The following SHOC2 variants were observed in gnomAD, a reference collection of about 807,000 sequenced individuals.
SHOC2 encodes the protein SHOC2 leucine rich repeat scaffold protein, also known as leucine-rich repeat protein SHOC-2.
Under a neutral mutation model 50.2 loss-of-function variants are expected in SHOC2, and 4 were observed. That is an observed-to-expected ratio of 0.08 (90% confidence interval 0.04 to 0.18). The LOEUF (loss-of-function observed/expected upper bound fraction) is 0.18. Among genes scored for constraint, SHOC2 ranks in the 10% least tolerant of loss-of-function variants. The probability of loss-of-function intolerance (pLI) is 1.00; values close to 1 mark genes in which losing one functional copy is unlikely to be tolerated. For missense variants in SHOC2, 388 were observed against 669.6 expected, an observed-to-expected ratio of 0.58 and a Z score of 4.64; for synonymous variants, 218 against 244.5, an observed-to-expected ratio of 0.89 and a Z score of 1.01.
At position 111,007,517 on chromosome 10, in the gene SHOC2, T is replaced by C; in HGVS notation, c.1162-14T>C. 2 of 1,613,488 alleles carry C rather than the reference T, an allele frequency of 1.2e-6. No individual in the cohort carries two copies. The highest frequency in any genetic ancestry group is 1.7e-6 in the Non-Finnish European group (2 of 1,179,552). ...TGTGATTCTACCTTGGATGCTTCTTTTTGTCTTTGCCAGGACAATCAGTTA... is the reference window on the plus strand; with the variant it reads ...TGTGATTCTACCTTGGATGCTTCTTCTTGTCTTTGCCAGGACAATCAGTTA... On this transcript the variant is annotated splice_polypyrimidine_tract_variant and intron_variant, in intron 5 of 8. Coordinates refer to ENST00000369452, the MANE Select transcript of SHOC2 (RefSeq NM_007373.4).
chr10:110,919,572 G>T, upstream of SHOC2: 1 of 392,194 alleles, frequency 2.5e-6, no homozygotes. Flanking sequence ...GGGGGGCGGC[G>T]GTTGGGCAGC....
At chr10:111,007,143 G>A (rs1253924958) in intron 5 of SHOC2, among the ~76,000 whole-genome samples, 1 of 151,976 alleles carries the variant, frequency 6.6e-6, no homozygotes, top group Non-Finnish European at 1.5e-5. Context: ...CATTAGATGC[G>A]TCTTCTTCTA....
intron 1 of SHOC2, among the ~76,000 whole-genome samples, chr10:110,928,845 A>G (rs921488858): frequency 1.3e-5 from 2 of 152,140 alleles, no homozygotes; most frequent in Admixed American, 1.3e-4. Context: ...CAGTGAGCCT[A>G]GATCTTGCCA....
intron 1 of SHOC2, among the ~76,000 whole-genome samples, chr10:110,939,015 T>G (rs1376142938): frequency 6.6e-6 from 1 of 152,182 alleles, no homozygotes; most frequent in Non-Finnish European, 1.5e-5. Flanking sequence ...TCCTATGTAT[T>G]AAACATCAAA....
chr10:110,980,515 C>T (rs1222640845), intron 2 of SHOC2, among the ~76,000 whole-genome samples: 1 of 152,146 alleles, frequency 6.6e-6, no homozygotes, highest in Non-Finnish European at 1.5e-5. Flanking sequence ...CACACTATTT[C>T]TCGTGGGCTA....
At chr10:110,940,498 A>G (rs181980372) in intron 1 of SHOC2, among the ~76,000 whole-genome samples, 2 of 152,346 alleles carry the variant, frequency 1.3e-5, no homozygotes, top group African/African-American at 4.8e-5. Context: ...CTAAATGTTC[A>G]AAGTATAATG....
At chr10:110,983,117 A>G (rs1848013630) in intron 2 of SHOC2, among the ~76,000 whole-genome samples, 1 of 152,132 alleles carries the variant, frequency 6.6e-6, no homozygotes, top group African/African-American at 2.4e-5. Context: ...GATTTTAATT[A>G]CAAAGATTTT....
intron 1 of SHOC2, among the ~76,000 whole-genome samples, chr10:110,944,481 A>ATGGT (rs1847211275): frequency 6.6e-6 from 1 of 150,390 alleles, no homozygotes; most frequent in Admixed American, 6.6e-5. Flanking sequence ...CTTCCTGTGT[A>ATGGT]TGGTTCATAT....
intron 1 of SHOC2, among the ~76,000 whole-genome samples, chr10:110,927,528 T>C (rs1281852182): frequency 1.3e-5 from 2 of 152,192 alleles, no homozygotes; most frequent in African/African-American, 4.8e-5. Context: ...ACTTTGGAAG[T>C]AGTGATTTGA....
chr10:110,943,059 G>A (rs1311590550), intron 1 of SHOC2, among the ~76,000 whole-genome samples: 3 of 152,242 alleles, frequency 2.0e-5, no homozygotes, highest in Middle Eastern at 3.4e-3. Context: ...CTGCCTTCAT[G>A]TGGATTCTCT....
intron 2 of SHOC2, among the ~76,000 whole-genome samples, chr10:110,983,447 T>G (rs1848020614): frequency 6.6e-6 from 1 of 152,180 alleles, no homozygotes; most frequent in Admixed American, 6.6e-5. Flanking sequence ...AAGGTAAAAA[T>G]TTAGTGCTAT....
chr10:110,958,825 C>T (rs1394971971), intron 1 of SHOC2, among the ~76,000 whole-genome samples: 1 of 152,008 alleles, frequency 6.6e-6, no homozygotes, highest in African/African-American at 2.4e-5. Flanking sequence ...CTTCTCCCTA[C>T]TCCTGTTCAT....
At chr10:110,979,633 G>A (rs1304621742) in intron 2 of SHOC2, among the ~76,000 whole-genome samples, 1 of 152,188 alleles carries the variant, frequency 6.6e-6, no homozygotes, top group Non-Finnish European at 1.5e-5. Flanking sequence ...CCAGAGCTCA[G>A]TGTTTGCAGA....
At chr10:110,922,708 C>G (rs1397774716) in intron 1 of SHOC2, among the ~76,000 whole-genome samples, 1 of 152,000 alleles carries the variant, frequency 6.6e-6, no homozygotes, top group Non-Finnish European at 1.5e-5. Flanking sequence ...AACAAGTTAA[C>G]TCACAAATCC....
At chr10:110,998,101 G>A (rs1014001729) in intron 3 of SHOC2, among the ~76,000 whole-genome samples, 3 of 151,514 alleles carry the variant, frequency 2.0e-5, no homozygotes, top group African/African-American at 7.3e-5. Context: ...CTGGGTTCAA[G>A]CCATTCTCCT....
chr10:110,959,130 G>A (rs1189581139), intron 1 of SHOC2, among the ~76,000 whole-genome samples: 1 of 152,158 alleles, frequency 6.6e-6, no homozygotes, highest in Non-Finnish European at 1.5e-5. Flanking sequence ...CAGTATTTAA[G>A]TGTTCAGGCA....
At chr10:110,930,566 T>C (rs1291808485) in intron 1 of SHOC2, among the ~76,000 whole-genome samples, 2 of 152,150 alleles carry the variant, frequency 1.3e-5, no homozygotes, top group Non-Finnish European at 2.9e-5. Flanking sequence ...GTAGCAGTTA[T>C]ATTTTCTCTT....
intron 1 of SHOC2, among the ~76,000 whole-genome samples, chr10:110,925,358 G>C (rs901035216): frequency 6.6e-6 from 1 of 152,126 alleles, no homozygotes; most frequent in Non-Finnish European, 1.5e-5. Context: ...AAAGTTCTCT[G>C]AACTTGAGAA....
Position 110,964,784 on chromosome 10 carries a change from G to T in SHOC2, c.426G>T (p.Val142=). 6.2e-7 allele frequency: 1 copy of T among 1,614,076 alleles called. No individual in the cohort carries two copies. Among genetic ancestry groups the T allele is most frequent in the Non-Finnish European group, 8.5e-7 (1 of 1,179,974 alleles). The change falls in exon 2 of 9, where the codon GTG becomes GTT. Residue 142 remains valine (V), a synonymous_variant. Coordinates refer to ENST00000369452, the MANE Select transcript of SHOC2 (RefSeq NM_007373.4). The surrounding 1 kb of genome is among the most constrained non-coding windows in gnomAD (Gnocchi z 4.9). The stretch of plus-strand genomic sequence containing the variant: ...AATTGCAGTCCCTCCCAGCAGAGGT[G>T]GGATGTTTAGTAAATCTCATGACAC... ...SNKLQSLPAE[V]GCLVNLMTLA...
Sources: gnomAD v4.1 joint callset for allele counts (sites outside exome capture counted in the v4.1 genomes callset) on GRCh38, gnomAD v4.1.1 for gene constraint, Gnocchi (gnomAD v3.1) non-coding constraint, MANE v1.5 for transcripts, NCBI Gene and HGNC (gene_info 2026-07-23, HGNC 2026-07-21) for gene names.